Variants in SEMA6D observed in about 807,000 individuals in gnomAD.
SEMA6D encodes semaphorin-6D.
Under a neutral mutation model 106.6 loss-of-function variants are expected in SEMA6D, and 35 were observed. That is an observed-to-expected ratio of 0.33 (90% CI 0.25 to 0.44). SEMA6D has a LOEUF of 0.44. Among genes scored for constraint, SEMA6D ranks in the 20% least tolerant of loss-of-function variants. The pLI is 1.00. For synonymous variants in SEMA6D, 499 were observed against 487.7 expected (o/e 1.02, Z -0.31); for missense variants, 1,185 against 1,345.9 (o/e 0.88, Z 1.87).
chr15:47,723,171 G>A (rs1302665216), intron 1 of SEMA6D, among the ~76,000 whole-genome samples: 2 of 152,114 alleles, frequency 1.3e-5, no homozygotes, highest in Non-Finnish European at 2.9e-5. Context: ...TGTACACGGT[G>A]GATGTGCTCT....
upstream of SEMA6D, among the ~76,000 whole-genome samples, chr15:47,714,070 T>C (rs184635247): frequency 8.3e-4 from 126 of 152,354 alleles, no homozygotes; most frequent in Non-Finnish European, 1.4e-3. Flanking sequence ...TCATCATCCC[T>C]GTTTTCCAGA....
intron 1 of SEMA6D, among the ~76,000 whole-genome samples, chr15:47,275,849 C>T (rs528106367): frequency 2.6e-5 from 4 of 152,120 alleles, no homozygotes; most frequent in South Asian, 2.1e-4. Flanking sequence ...CAAGACAGGC[C>T]GAAAGCAAGG....
At chr15:47,315,143 A>G (rs905227495) in intron 1 of SEMA6D, among the ~76,000 whole-genome samples, 11 of 152,016 alleles carry the variant, frequency 7.2e-5, no homozygotes, top group South Asian at 6.2e-4. Context: ...TGGGATTACA[A>G]GCGTGAGCCA....
chr15:47,710,591 C>T (rs1003068404), intron 4 of SEMA6D, among the ~76,000 whole-genome samples: 1 of 152,136 alleles, frequency 6.6e-6, no homozygotes, highest in Non-Finnish European at 1.5e-5. Flanking sequence ...CACACGCACA[C>T]ACACAAACAC....
intron 3 of SEMA6D, among the ~76,000 whole-genome samples, chr15:47,471,984 A>T (rs2042862425): frequency 6.6e-6 from 1 of 150,958 alleles, no homozygotes; most frequent in Non-Finnish European, 1.5e-5. Flanking sequence ...CGAAAAAGAG[A>T]AAGAGAGAGA....
chr15:47,491,464 A>AT (rs11439542), intron 3 of SEMA6D, among the ~76,000 whole-genome samples: 8,107 of 152,232 alleles, frequency 0.053, 690 homozygotes, highest in African/African-American at 0.18. Context: ...TAAGCAATAC[A>AT]TTTTTTATGC....
intron 4 of SEMA6D, among the ~76,000 whole-genome samples, chr15:47,701,975 C>G (rs758457640): frequency 7.9e-5 from 12 of 152,330 alleles, no homozygotes; most frequent in Admixed American, 5.9e-4. Context: ...AAGTGGCCCA[C>G]TGCGGTCAAA....
intron 1 of SEMA6D, among the ~76,000 whole-genome samples, chr15:47,319,064 T>C (rs991561204): frequency 6.6e-6 from 1 of 152,198 alleles, no homozygotes; most frequent in Admixed American, 6.5e-5. Flanking sequence ...TTTCAGTTTT[T>C]CAAGTTTCTG....
At chr15:47,218,819 T>A (rs1174304897) in intron 1 of SEMA6D, among the ~76,000 whole-genome samples, 1 of 152,200 alleles carries the variant, frequency 6.6e-6, no homozygotes, top group African/African-American at 2.4e-5. Context: ...TATTCTTCTC[T>A]CCATCTTGGA....
intron 4 of SEMA6D, among the ~76,000 whole-genome samples, chr15:47,684,148 C>G (rs1363976437): frequency 6.6e-6 from 1 of 152,152 alleles, no homozygotes; most frequent in East Asian, 1.9e-4. Context: ...CTACATCAAA[C>G]ACTGCCTACA....
chr15:47,638,878 T>C (rs1475461356), intron 4 of SEMA6D, among the ~76,000 whole-genome samples: 2 of 152,242 alleles, frequency 1.3e-5, no homozygotes, highest in East Asian at 3.8e-4. Flanking sequence ...CAGCTGTGAA[T>C]GATCAGTTCA....
intron 4 of SEMA6D, among the ~76,000 whole-genome samples, chr15:47,666,767 A>G (rs1031887655): frequency 5.9e-5 from 9 of 152,178 alleles, no homozygotes; most frequent in African/African-American, 1.9e-4. Flanking sequence ...TGTTCCTCAC[A>G]TGAACAGCAA....
intron 1 of SEMA6D, chr15:47,184,532 G>GGCGTCCAGGATGCTCCA (rs1893405702): frequency 6.6e-6 from 1 of 152,200 alleles, no homozygotes; most frequent in Non-Finnish European, 1.5e-5. Flanking sequence ...GAGCTCTGGC[G>GGCGTCCAGGATGCTCCA]GCGTCCAGGA....
chr15:47,242,550 T>C (rs959828189), intron 1 of SEMA6D, among the ~76,000 whole-genome samples: 1 of 152,190 alleles, frequency 6.6e-6, no homozygotes, highest in African/African-American at 2.4e-5. Flanking sequence ...CCATAGGGCA[T>C]ATGCATATGT....
At position 47,341,501 on chromosome 15, in the gene SEMA6D, A is replaced by G. The variant is rs567044018; in HGVS notation, c.-238-70892A>G. Among the ~76,000 whole-genome samples the G allele has an allele frequency of 3.9e-5, 6 of 152,328 alleles. No individual in the cohort carries two copies. In the South Asian group the frequency reaches 1.0e-3, roughly 26 times the overall value. On this transcript the variant is annotated intron_variant, in intron 1 of 19. Transcript: ENST00000558014. ...AAGACAAAGGTCTGTTTTCACTTCC[A>G]TCTTGCCACTGAGCAATTGTATGAT...
chr15:47,763,204 C>G, intron 9 of SEMA6D, 100 bp downstream of exon 9: 1 of 890,500 alleles, frequency 1.1e-6, no homozygotes, highest in Non-Finnish European at 1.7e-6. Flanking sequence ...TTTTCCAGCT[C>G]TCAATTCAGT....
At chr15:47,736,092 T>G (rs1194238073) in intron 1 of SEMA6D, among the ~76,000 whole-genome samples, 3 of 121,570 alleles carry the variant, frequency 2.5e-5, no homozygotes, top group Non-Finnish European at 3.6e-5. Context: ...TTAATTTAAT[T>G]GTATTCAATT....
At chr15:47,469,910 A>C (rs758018883) in intron 2 of SEMA6D, among the ~76,000 whole-genome samples, 5 of 152,194 alleles carry the variant, frequency 3.3e-5, no homozygotes, top group Non-Finnish European at 5.9e-5. Flanking sequence ...CTCTCAGAAA[A>C]GTGTGCACAT....
At chr15:47,488,896 G>A (rs2059475) in intron 3 of SEMA6D, among the ~76,000 whole-genome samples, 117,862 of 152,054 alleles carry the variant, frequency 0.78, 46,589 homozygotes, top group East Asian at 0.93. Context: ...CTAAAACGGT[G>A]AAGAGTAGAG....
Sources: allele counts gnomAD v4.1 joint callset (sites outside exome capture counted in the v4.1 genomes callset), GRCh38; gene constraint gnomAD v4.1.1; transcripts MANE v1.5; gene names NCBI Gene and HGNC (gene_info 2026-07-23, HGNC 2026-07-21).